Variants in ACSM4 observed in about 807,000 individuals in gnomAD.
The protein encoded by ACSM4 is acyl-CoA synthetase medium chain family member 4, also known as acyl-coenzyme A synthetase ACSM4, mitochondrial.
A neutral mutation model predicts 73.0 loss-of-function variants in ACSM4; 66 were observed. The ratio of observed to expected loss-of-function variants is 0.90; its 90% CI spans 0.74 to 1.11. The LOEUF is 1.11. ACSM4 is among the 50% of genes least tolerant of loss of function. The pLI, the probability that ACSM4 is intolerant of heterozygous loss-of-function variation, is 0.00. For synonymous variants in ACSM4, 222 were observed against 254.0 expected, an observed-to-expected ratio of 0.87 and a Z score of 1.20; for missense variants, 645 against 714.4, an observed-to-expected ratio of 0.90 and a Z score of 1.11.
intron 5 of ACSM4, among the ~76,000 whole-genome samples, chr12:7,320,350 C>G (rs942976499): frequency 6.6e-6 from 1 of 152,154 alleles, no homozygotes; most frequent in African/African-American, 2.4e-5. Context: ...CTTATACATC[C>G]ATAGTCAATA....
intron 11 of ACSM4, among the ~76,000 whole-genome samples, chr12:7,325,610 G>A (rs1411446194): frequency 6.6e-6 from 1 of 152,130 alleles, no homozygotes; most frequent in Non-Finnish European, 1.5e-5. Flanking sequence ...TTGCACCACT[G>A]TACTCCAGCC....
At chr12:7,323,173 C>T in intron 7 of ACSM4, 61 bp from the exon 8 acceptor site, 2 of 1,432,958 alleles carry the variant, frequency 1.4e-6, no homozygotes, top group African/African-American at 1.4e-5. Context: ...TTTTCATTGC[C>T]ATGATATAGT....
At chr12:7,305,880 G>A (rs1175650800) in intron 1 of ACSM4, among the ~76,000 whole-genome samples, 59 of 152,194 alleles carry the variant, frequency 3.9e-4, no homozygotes. Context: ...ATAAGGCAAA[G>A]AGGTTTTGCA....
Position 7,328,312 on chromosome 12 carries a change from A to C in ACSM4, c.1682A>C (p.Lys561Thr), listed in dbSNP as rs762332028. Residue 561 changes from lysine (K) to threonine (T), a missense_variant, in exon 13 of 13, where the codon AAG (lysine) becomes ACG (threonine). Transcript: ENST00000399422. ...RKVEFVQELP[K>T]TITGKIKRNV... ...GTGGAATTTGTTCAAGAACTCCCAA[A>C]GACAATCACTGGGAAAATCAAACGC... 3.8e-6 allele frequency: 6 copies of C among 1,592,612 alleles called. No homozygotes were observed. The highest frequency in any genetic ancestry group is 3.4e-5 in the South Asian group (3 of 87,040).
chr12:7,321,640 A>C (rs1348925399), intron 6 of ACSM4, among the ~76,000 whole-genome samples: 2 of 152,222 alleles, frequency 1.3e-5, no homozygotes, highest in Admixed American at 6.5e-5. Flanking sequence ...TTTGTATTCT[A>C]CCCACACCCT....
At chr12:7,306,862 A>AG (rs1308644045) in intron 2 of ACSM4, 119 bp downstream of exon 2, 3 of 991,452 alleles carry the variant, frequency 3.0e-6, no homozygotes, top group Non-Finnish European at 4.3e-6. Context: ...AAAAAAAAAA[A>AG]AAGAAGAGTT....
intron 5 of ACSM4, 61 bp downstream of exon 5, chr12:7,318,243 A>G: frequency 6.3e-7 from 1 of 1,576,126 alleles, no homozygotes; most frequent in Non-Finnish European, 8.6e-7. Flanking sequence ...CCATAAAATC[A>G]CAAAGAAATT....
At chr12:7,305,002 C>A (rs1385229802) in intron 1 of ACSM4, among the ~76,000 whole-genome samples, 2 of 152,136 alleles carry the variant, frequency 1.3e-5, no homozygotes, top group Non-Finnish European at 2.9e-5. Flanking sequence ...TGATCCTCAC[C>A]CCATGCCAGG....
chr12:7,323,557 T>G lies in ACSM4; in HGVS notation c.1305T>G (p.Tyr435Ter), dbSNP rs61742705. 7.4e-6 allele frequency: 12 copies of G among 1,611,838 alleles called. No homozygotes were observed. The highest frequency in any genetic ancestry group is 5.0e-5 in the Admixed American group (3 of 59,984). Residue 435 changes from tyrosine (Y) to a stop codon, truncating the protein, a stop_gained, in exon 9 of 13, where the codon TAT becomes TAG. Transcript: ENST00000399422. LOFTEE classifies it high-confidence loss of function. ...PTRPFCFFSK[Y>*]VDNPQKTAAT... ...GGCCCTTCTGTTTCTTCTCTAAATATGTGGTATGAGGATAGAAAGTGCTGG... is the reference window on the plus strand; with the variant it reads ...GGCCCTTCTGTTTCTTCTCTAAATAGGTGGTATGAGGATAGAAAGTGCTGG...
chr12:7,318,715 A>G (rs1406929199), intron 5 of ACSM4, among the ~76,000 whole-genome samples: 1 of 152,218 alleles, frequency 6.6e-6, no homozygotes, highest in African/African-American at 2.4e-5. Context: ...CTAGATTGAG[A>G]TATCAGATAA....
chr12:7,306,942 A>G (rs573071295), intron 2 of ACSM4, among the ~76,000 whole-genome samples, 199 bp downstream of exon 2: 1 of 152,048 alleles, frequency 6.6e-6, no homozygotes, highest in Non-Finnish European at 1.5e-5. Flanking sequence ...CATTTTGCAG[A>G]AGAGGAAACC....
rs776629464 is a variant in ACSM4 at position 7,322,511 on chromosome 12, G to A, written c.1095G>A (p.Glu365=). 1.2e-5 allele frequency: 20 copies of A among 1,613,862 alleles called. No homozygotes were observed. The highest frequency in any genetic ancestry group is 1.7e-5 in the Non-Finnish European group (20 of 1,179,838). ...LEQWRVQTGL[E]LYEGYGQTEV... Reference sequence around the variant, plus strand: ...AGTGGAGGGTGCAAACTGGGCTGGAGCTATATGAGGGCTATGGACAGACGG... The same window carrying A: ...AGTGGAGGGTGCAAACTGGGCTGGAACTATATGAGGGCTATGGACAGACGG... The change falls in exon 7 of 13, where the codon GAG becomes GAA. Residue 365 remains glutamate (E), a synonymous_variant. Coordinates refer to ENST00000399422, the MANE Select transcript of ACSM4 (RefSeq NM_001080454.2).
intron 3 of ACSM4, among the ~76,000 whole-genome samples, chr12:7,312,140 A>C (rs12227312): frequency 0.066 from 10,064 of 152,304 alleles, 414 homozygotes; most frequent in East Asian, 0.16. Flanking sequence ...TTACAGAAAA[A>C]GTTTGGCAAC....
Position 7,325,152 on chromosome 12 carries a change from G to A in ACSM4, c.1536+554G>A, listed in dbSNP as rs114855513. 2.4e-3 allele frequency among the ~76,000 whole-genome samples: 364 copies of A among 152,300 alleles called. 1 individual carries two copies. Among genetic ancestry groups the A allele is most frequent in the African/African-American group, 8.1e-3 (337 of 41,574 alleles). ...GTTCAGAGACTGGTACATGCTGATC[G>A]GTCAGACTTGGATCATACGTCTATC... is the stretch of plus-strand genomic sequence containing the variant. On this transcript the variant is annotated intron_variant, in intron 11 of 12. Coordinates refer to ENST00000399422, the MANE Select transcript of ACSM4 (RefSeq NM_001080454.2).
In ACSM4 at chr12:7,320,711, T is replaced by C; in HGVS notation, c.922-14T>C. ...TGACCACTTCTGACATCTGTGTCTT[T>C]CTCCATCATCCAGACACTTACTACT... On this transcript the variant is annotated splice_polypyrimidine_tract_variant and intron_variant, in intron 5 of 12. Coordinates refer to ENST00000399422, the MANE Select transcript of ACSM4 (RefSeq NM_001080454.2). 6.2e-7 allele frequency: 1 copy of C among 1,604,086 alleles called. No homozygotes were observed. The highest frequency in any genetic ancestry group is 8.5e-7 in the Non-Finnish European group (1 of 1,171,434).
chr12:7,310,655 T>C lies in ACSM4; in HGVS notation c.529T>C (p.Ser177Pro), dbSNP rs994097620. Reference protein sequence around the residue: ...ASEEVAPAVESIVLECPDLKT... With the variant: ...ASEEVAPAVEPIVLECPDLKT... ...TGAGGAGGTGGCCCCAGCGGTGGAG[T>C]CCATTGTATTGGAGTGTCCTGACCT... The change falls in exon 3 of 13, where the codon TCC (serine) becomes CCC (proline). Residue 177 changes from serine (S) to proline (P), a missense_variant. Transcript: ENST00000399422. The C allele has an allele frequency of 1.9e-5, 30 of 1,612,934 alleles. No homozygotes were observed. Among genetic ancestry groups the C allele is most frequent in the Non-Finnish European group, 2.5e-5 (29 of 1,179,626 alleles).
intron 3 of ACSM4, among the ~76,000 whole-genome samples, chr12:7,314,706 C>T (rs1402773177): frequency 6.6e-6 from 1 of 152,102 alleles, no homozygotes; most frequent in Non-Finnish European, 1.5e-5. Flanking sequence ...AATGTTTAAA[C>T]ATAAGAGGTC....
At chr12:7,311,346 C>G (rs1486822829) in intron 3 of ACSM4, among the ~76,000 whole-genome samples, 2 of 152,020 alleles carry the variant, frequency 1.3e-5, no homozygotes, top group African/African-American at 2.4e-5. Context: ...GACCACATCT[C>G]CCACCACTCT....
In ACSM4 at chr12:7,318,261, A is replaced by C. The variant is rs1301589633; in HGVS notation, c.921+79A>C. 3 of 1,543,056 alleles carry C rather than the reference A, an allele frequency of 1.9e-6. No individual in the cohort carries two copies. In the East Asian group the frequency reaches 6.8e-5, roughly 35 times the overall value. On this transcript the variant is annotated intron_variant, in intron 5 of 12. Coordinates refer to ENST00000399422, the MANE Select transcript of ACSM4 (RefSeq NM_001080454.2). ...TAAAATCACAAAGAAATTATTCCTT[A>C]GAATACAAGGCTTCTTGGGCTTTTG...
Sources: gnomAD v4.1 joint callset for allele counts (sites outside exome capture counted in the v4.1 genomes callset) on GRCh38, gnomAD v4.1.1 for gene constraint, MANE v1.5 for transcripts, NCBI Gene and HGNC (gene_info 2026-07-23, HGNC 2026-07-21) for gene names.